PPM1B: variants seen among roughly 807,000 people sequenced by gnomAD.
PPM1B encodes protein phosphatase, Mg2+/Mn2+ dependent 1B.
PPM1B carries 22 observed loss-of-function variants against 43.0 expected under a neutral mutation model. The ratio of observed to expected loss-of-function variants is 0.51; its 90% CI spans 0.37 to 0.73. PPM1B has a LOEUF of 0.73. PPM1B is among the 30% of genes least tolerant of loss of function. PPM1B has a pLI of 0.00. For synonymous variants in PPM1B, 217 were observed against 197.9 expected, an observed-to-expected ratio of 1.10 and a Z score of -0.81; for missense variants, 632 against 584.2, an observed-to-expected ratio of 1.08 and a Z score of -0.84.
At chr2:44,184,999 A>T (rs943667855) in intron 1 of PPM1B, among the ~76,000 whole-genome samples, 2 of 150,008 alleles carry the variant, frequency 1.3e-5, no homozygotes, top group Non-Finnish European at 3.0e-5. Flanking sequence ...AGTGAAGAAG[A>T]CATGTATTAC....
chr2:44,181,344 G>A (rs557507990), intron 1 of PPM1B, among the ~76,000 whole-genome samples: 1 of 152,320 alleles, frequency 6.6e-6, no homozygotes, highest in Non-Finnish European at 1.5e-5. Context: ...TGATGAAGTT[G>A]AGCTGTGTAG....
intron 5 of PPM1B, among the ~76,000 whole-genome samples, chr2:44,222,481 C>G (rs539422405): frequency 1.3e-5 from 2 of 152,256 alleles, no homozygotes; most frequent in South Asian, 2.1e-4. Context: ...AGTAGTTGCA[C>G]AAGTTGGTAA....
chr2:44,220,052 T>C (rs1313444443), intron 5 of PPM1B, among the ~76,000 whole-genome samples: 2 of 152,020 alleles, frequency 1.3e-5, no homozygotes, highest in Non-Finnish European at 2.9e-5. Context: ...GATGTTGACA[T>C]ATGACTAAAA....
At chr2:44,196,187 A>G (rs1572707903) in intron 1 of PPM1B, among the ~76,000 whole-genome samples, 1 of 152,302 alleles carries the variant, frequency 6.6e-6, no homozygotes, top group East Asian at 1.9e-4. Flanking sequence ...AGATCCCATT[A>G]AGGATGTACC....
chr2:44,242,300 T>G, intron 5 of PPM1B, among the ~76,000 whole-genome samples: 1 of 152,208 alleles, frequency 6.6e-6, no homozygotes, highest in East Asian at 1.9e-4. Flanking sequence ...TGGATAGTAG[T>G]ATGTACATAT....
intron 2 of PPM1B, among the ~76,000 whole-genome samples, chr2:44,205,769 A>G (rs539095619): frequency 1.8e-4 from 28 of 152,278 alleles, no homozygotes; most frequent in South Asian, 8.3e-4. Flanking sequence ...TATACCATCT[A>G]CCAGAAGCCT....
In PPM1B at chr2:44,202,075, CAT is replaced by C. The variant is rs1278874202; in HGVS notation, c.846+31_846+32del. 7 of 1,476,152 alleles carry C rather than the reference CAT, an allele frequency of 4.7e-6. No individual in the cohort carries two copies. In the East Asian group the frequency reaches 7.0e-5, roughly 15 times the overall value. 91.4% of individuals were successfully genotyped at this position (1,476,152 alleles called of 1,614,324 possible). ...GTAAACTTTTTTGTCATTAAAATAACATGTTAATTTTGAAAAGTTACGGTAGG... is the reference window on the plus strand; with the variant it reads ...GTAAACTTTTTTGTCATTAAAATAACGTTAATTTTGAAAAGTTACGGTAGG... On this transcript the variant is annotated intron_variant, in intron 2 of 5. Coordinates refer to ENST00000282412, the MANE Select transcript of PPM1B (RefSeq NM_002706.6).
intron 1 of PPM1B, among the ~76,000 whole-genome samples, chr2:44,171,659 A>G (rs1667351577): frequency 6.6e-6 from 1 of 151,544 alleles, no homozygotes. Context: ...GTGAAACACC[A>G]TCTCTACTGA....
chr2:44,234,146 T>A (rs1670545138), downstream of PPM1B: 1 of 973,062 alleles, frequency 1.0e-6, no homozygotes, highest in African/African-American at 1.8e-5. Flanking sequence ...GAAAATTTAA[T>A]TCCAAAGAGG....
chr2:44,185,220 A>G (rs1298343961), intron 1 of PPM1B, among the ~76,000 whole-genome samples: 2 of 152,010 alleles, frequency 1.3e-5, no homozygotes, highest in African/African-American at 4.8e-5. Flanking sequence ...GTTCCTGCCT[A>G]TAGTTGTGTC....
intron 1 of PPM1B, among the ~76,000 whole-genome samples, chr2:44,193,831 G>A (rs1199940716): frequency 6.6e-6 from 1 of 151,942 alleles, no homozygotes; most frequent in Non-Finnish European, 1.5e-5. Context: ...CACCCGCCTC[G>A]GCCTCCCACA....
chr2:44,230,290 T>A lies in PPM1B; in HGVS notation c.1135-123T>A, dbSNP rs904601846. 1.0e-5 allele frequency: 15 copies of A among 1,497,344 alleles called. 1 individual carries two copies. Among genetic ancestry groups the A allele is most frequent in the South Asian group, 7.0e-5 (5 of 71,760 alleles). 92.8% of individuals were successfully genotyped at this position (1,497,344 alleles called of 1,614,324 possible). ...GTAAGAATTGATATTTAATAAAATG[T>A]TCTCATGCTTAGACTATATTACTTT... On this transcript the variant is annotated intron_variant, in intron 5 of 5. Transcript: ENST00000282412.
rs36013751 is a variant in PPM1B, at chr2:44,225,976, CTT to C, written c.1135-4421_1135-4420del. On this transcript the variant is annotated intron_variant, in intron 5 of 5. Coordinates refer to ENST00000282412, the MANE Select transcript of PPM1B (RefSeq NM_002706.6). ...TGGCTATGGTTTGGTTTTAGTATGT[CTT>C]TTTTTTTTTTTTTTTGAGAGAGAGT... is the stretch of plus-strand genomic sequence containing the variant. Among the ~76,000 whole-genome samples the C allele has an allele frequency of 4.2e-3, 563 of 132,588 alleles. 1 individual carries two copies. Among genetic ancestry groups the C allele is most frequent in the African/African-American group, 0.013 (470 of 35,778 alleles). The allele number at this position is 132,588 out of a possible 152,430, so 87.0% of individuals were successfully genotyped here.
At chr2:44,194,089 ATTTCTC>A (rs1166547668) in intron 1 of PPM1B, among the ~76,000 whole-genome samples, 1 of 150,796 alleles carries the variant, frequency 6.6e-6, no homozygotes, top group African/African-American at 2.4e-5. Context: ...ATACTTTTTT[ATTTCTC>A]TTAAGGATTT....
chr2:44,244,820 G>GATATATATATATATAT (rs542334922), downstream of PPM1B, among the ~76,000 whole-genome samples: 148 of 129,818 alleles, frequency 1.1e-3, no homozygotes, highest in East Asian at 7.1e-3. Flanking sequence ...AATTACTTGA[G>GATATATATATATATAT]ATATATATAT....
intron 1 of PPM1B, among the ~76,000 whole-genome samples, chr2:44,171,829 CAAAAAAAAAAA>C (rs58214419): frequency 2.5e-5 from 3 of 118,760 alleles, no homozygotes; most frequent in Non-Finnish European, 3.4e-5. Flanking sequence ...GACTCTGTCT[CAAAAAAAAAAA>C]AAAAAAAAAA....
At chr2:44,239,908 T>G (rs1670710001) in intron 5 of PPM1B, among the ~76,000 whole-genome samples, 1 of 147,176 alleles carries the variant, frequency 6.8e-6, no homozygotes, top group Admixed American at 6.7e-5. Flanking sequence ...TTTTTTTTTT[T>G]GTCTAACCCT....
chr2:44,180,064 C>G (rs932015083), intron 1 of PPM1B, among the ~76,000 whole-genome samples: 2 of 148,858 alleles, frequency 1.3e-5, no homozygotes, highest in African/African-American at 4.9e-5. Flanking sequence ...AAATATTCCC[C>G]AAAATGTGTA....
intron 3 of PPM1B, among the ~76,000 whole-genome samples, chr2:44,211,632 T>A (rs761206957): frequency 6.6e-6 from 1 of 152,144 alleles, no homozygotes; most frequent in Non-Finnish European, 1.5e-5. Flanking sequence ...GGAGGCACTT[T>A]GAGATTGTTA....
Sources: gnomAD v4.1 joint callset for allele counts (sites outside exome capture counted in the v4.1 genomes callset) on GRCh38, gnomAD v4.1.1 for gene constraint, MANE v1.5 for transcripts, NCBI Gene and HGNC (gene_info 2026-07-23, HGNC 2026-07-21) for gene names.